The following IL17RC variants were observed in gnomAD, a reference collection of about 807,000 sequenced individuals.
IL17RC encodes interleukin 17 receptor C, also known as interleukin-17 receptor C.
A neutral mutation model predicts 86.7 loss-of-function variants in IL17RC; 53 were observed. The observed-to-expected ratio is 0.61, with a 90% CI of 0.49 to 0.77. The LOEUF (loss-of-function observed/expected upper bound fraction) is 0.77. IL17RC is among the 30% of genes least tolerant of loss of function. The pLI is 0.00. For missense variants in IL17RC, 957 were observed against 940.0 expected (o/e 1.02, Z -0.24); for synonymous variants, 439 against 413.1 (o/e 1.06, Z -0.76).
In IL17RC at chr3:9,933,131, G is replaced by C; in HGVS notation, c.1701G>C (p.Arg567=). 1 of 1,594,074 alleles carries C rather than the reference G, an allele frequency of 6.3e-7. No homozygotes were observed. The highest frequency in any genetic ancestry group is 8.5e-7 in the Non-Finnish European group (1 of 1,173,626). ...QGPVAWFHAQ[R]RQTLQEGGVV... The stretch of plus-strand genomic sequence containing the variant: ...CCGTGGCTTGGTTTCACGCGCAGCG[G>C]CGCCAGACCCTGCAGGAGGGCGGCG... Residue 567 remains arginine (R), a synonymous_variant, in exon 19 of 19, where the codon CGG becomes CGC. Coordinates refer to ENST00000403601, the MANE Select transcript of IL17RC (RefSeq NM_153460.4).
In IL17RC at chr3:9,920,964, G is replaced by GC; in HGVS notation, c.618dup (p.Trp207LeufsTer13). On this transcript the variant is annotated frameshift_variant, in exon 7 of 19. Transcript: ENST00000403601. LOFTEE classifies it high-confidence loss of function. ...GAAGTCTGGAACAGCATCCCGAGCT[G>GC]CTGGGGTAGGGGCTAGGGCCAGTGG... is the stretch of plus-strand genomic sequence containing the variant. 1 of 1,593,584 alleles carries GC rather than the reference G, an allele frequency of 6.3e-7. No homozygotes were observed. Among genetic ancestry groups the GC allele is most frequent in the Non-Finnish European group, 8.5e-7 (1 of 1,172,722 alleles).
intron 17 of IL17RC, 34 bp from the exon 18 acceptor site, chr3:9,932,786 C>T: frequency 6.3e-7 from 1 of 1,582,500 alleles, no homozygotes; most frequent in Non-Finnish European, 8.6e-7. Flanking sequence ...GGCGGCCGAG[C>T]TCACTGGCTG....
chr3:9,922,299 A>G (rs893690607), intron 7 of IL17RC, among the ~76,000 whole-genome samples: 6 of 152,194 alleles, frequency 3.9e-5, no homozygotes, highest in African/African-American at 1.4e-4. Context: ...ACCCAGATCA[A>G]TACATAAATA....
intron 6 of IL17RC, 80 bp downstream of exon 6, chr3:9,920,682 C>T: frequency 1.0e-6 from 1 of 966,594 alleles, no homozygotes; most frequent in Non-Finnish European, 1.6e-6. Context: ...CCTCTTCTAG[C>T]TCCATCCACT....
rs1460510963 is a variant in IL17RC at position 9,918,520 on chromosome 3, G to A, written c.376G>A (p.Val126Met). The change falls in exon 5 of 19, where the codon GTG becomes ATG. Residue 126 changes from valine to methionine, a missense_variant. Coordinates refer to ENST00000403601, the MANE Select transcript of IL17RC (RefSeq NM_153460.4). ...PRNASLQAQV[V>M]LSFQAYPTAR... is the part of the protein sequence containing the mutation. ...CACAGCCTCTCTCCAGGCCCAAGTCGTGCTCTCCTTCCAGGCCTACCCTAC... is the reference window on the plus strand; with the variant it reads ...CACAGCCTCTCTCCAGGCCCAAGTCATGCTCTCCTTCCAGGCCTACCCTAC... 22 of 1,613,994 alleles carry A rather than the reference G, an allele frequency of 1.4e-5. No homozygotes were observed. The highest frequency in any genetic ancestry group is 1.8e-5 in the Non-Finnish European group (21 of 1,180,002).
At position 9,918,545 on chromosome 3, in the gene IL17RC, C is replaced by T. The variant is rs2083295106; in HGVS notation, c.401C>T (p.Thr134Ile). Residue 134 changes from threonine (T) to isoleucine (I), a missense_variant, in exon 5 of 19, where the codon ACT becomes ATT. Transcript: ENST00000403601. ...QVVLSFQAYP[T>I]ARCVLLEVQV... is the part of the protein sequence containing the mutation. ...GTGCTCTCCTTCCAGGCCTACCCTA[C>T]TGCCCGCTGCGTCCTGCTGGAGGTG... is the stretch of plus-strand genomic sequence containing the variant. The T allele has an allele frequency of 7.4e-6, 12 of 1,614,224 alleles. No homozygotes were observed. Among genetic ancestry groups the T allele is most frequent in the Non-Finnish European group, 1.0e-5 (12 of 1,180,040 alleles).
intron 12 of IL17RC, 57 bp from the exon 13 acceptor site, chr3:9,929,795 T>C (rs2084480073): frequency 6.2e-7 from 1 of 1,605,120 alleles, no homozygotes; most frequent in Non-Finnish European, 8.5e-7. Context: ...ATTCTGGTCT[T>C]TCTGCCTTTG....
In IL17RC at chr3:9,928,678, A is replaced by AC. The variant is rs746064047; in HGVS notation, c.1110+54dup. 2.0e-5 allele frequency: 32 copies of AC among 1,592,384 alleles called. No individual in the cohort carries two copies. The East Asian group carries it at 2.2e-4, about 11-fold the overall frequency. ...TGGGCTGGAGGCTGGACCTGGGCAG[A>AC]CCCCCCAGCCAAGGGGGTCTTAGTT... is the stretch of plus-strand genomic sequence containing the variant. On this transcript the variant is annotated intron_variant, in intron 12 of 18. Transcript: ENST00000403601.
At position 9,920,924 on chromosome 3, in the gene IL17RC, G is replaced by C; in HGVS notation, c.578-1G>C. 1 of 1,609,010 alleles carries C rather than the reference G, an allele frequency of 6.2e-7. No homozygotes were observed. The highest frequency in any genetic ancestry group is 1.1e-5 in the South Asian group (1 of 89,720). On this transcript the variant is annotated splice_acceptor_variant, in intron 6 of 18. Transcript: ENST00000403601. LOFTEE classifies it high-confidence loss of function. ...GAGGCTCTTCTGTGATCTCTCCTCAGACTGCAGGGGGCTCGAAGTCTGGAA... is the reference window on the plus strand; with the variant it reads ...GAGGCTCTTCTGTGATCTCTCCTCACACTGCAGGGGGCTCGAAGTCTGGAA...
Position 9,933,578 on chromosome 3 carries a change from G to C in IL17RC, c.2148G>C (p.Ala716=), listed in dbSNP as rs1159801909. The C allele has an allele frequency of 1.3e-6, 2 of 1,598,496 alleles. No homozygotes were observed. Among genetic ancestry groups the C allele is most frequent in the Non-Finnish European group, 1.7e-6 (2 of 1,173,702 alleles). Residue 716 remains alanine (A), a synonymous_variant, in exon 19 of 19, where the codon GCG becomes GCC. Coordinates refer to ENST00000403601, the MANE Select transcript of IL17RC (RefSeq NM_153460.4). The part of the protein sequence containing the change: ...RGVGPGAGPG[A]GDGT ...TGGGACCAGGCGCGGGACCTGGGGC[G>C]GGGGACGGGACTTAAATAAAGGCAG...
chr3:9,923,593 G>C (rs142529247), intron 7 of IL17RC, among the ~76,000 whole-genome samples: 2 of 151,980 alleles, frequency 1.3e-5, no homozygotes, highest in East Asian at 3.9e-4. Flanking sequence ...AGGTCAGAAA[G>C]GTCACAGTTC....
intron 16 of IL17RC, 91 bp from the exon 17 acceptor site, chr3:9,932,517 A>T: frequency 8.2e-7 from 1 of 1,217,784 alleles, no homozygotes; most frequent in Non-Finnish European, 1.2e-6. Flanking sequence ...GGCATGAGCC[A>T]CCGCACCCGG....
chr3:9,920,699 C>T, intron 6 of IL17RC, 97 bp downstream of exon 6: 1 of 896,564 alleles, frequency 1.1e-6, no homozygotes, highest in Non-Finnish European at 1.8e-6. Context: ...CACTCTCCGG[C>T]AGGGGTCTGA....
Position 9,933,492 on chromosome 3 carries a change from C to A in IL17RC, c.2062C>A (p.Leu688Ile), listed in dbSNP as rs199772854. 5.6e-5 allele frequency: 90 copies of A among 1,611,894 alleles called. No individual in the cohort carries two copies. Among genetic ancestry groups the A allele is most frequent in the Admixed American group, 1.2e-4 (7 of 59,904 alleles). ...GAGAGCGGAGCAAGTGTCCCGGGCC[C>A]TTCAGCCAGCCCTGGATAGCTACTT... ...QERAEQVSRALQPALDSYFHP... is the reference protein window; with the variant it reads ...QERAEQVSRAIQPALDSYFHP... The change falls in exon 19 of 19, where the codon CTT (leucine) becomes ATT (isoleucine). Residue 688 changes from leucine (L) to isoleucine (I), a missense_variant. By Grantham distance (5) the Leu-to-Ile change is conservative. Coordinates refer to ENST00000403601, the MANE Select transcript of IL17RC (RefSeq NM_153460.4).
At chr3:9,925,720 A>G (rs1367255769) in intron 9 of IL17RC, among the ~76,000 whole-genome samples, 1 of 152,060 alleles carries the variant, frequency 6.6e-6, no homozygotes, top group Non-Finnish European at 1.5e-5. Context: ...GCCTTTTCTC[A>G]GGTGGTTCCC....
At chr3:9,927,463 C>A (rs1449402378) in intron 9 of IL17RC, among the ~76,000 whole-genome samples, 1 of 152,182 alleles carries the variant, frequency 6.6e-6, no homozygotes, top group African/African-American at 2.4e-5. Flanking sequence ...GAAGCTGAGG[C>A]AGGAGAATCA....
chr3:9,917,625 C>A (rs1289230166), intron 1 of IL17RC, 88 bp from the exon 2 acceptor site: 3 of 1,613,862 alleles, frequency 1.9e-6, no homozygotes, highest in South Asian at 2.2e-5. Context: ...TACGGAGCCC[C>A]AGAAAAAGGT....
At chr3:9,918,473 G>A (rs1301769084) in intron 4 of IL17RC, 27 bp from the exon 5 acceptor site, 3 of 1,611,526 alleles carry the variant, frequency 1.9e-6, no homozygotes, top group Admixed American at 3.3e-5. Flanking sequence ...TCCTGGGCCT[G>A]ACTGACCCCT....
rs1256806988 is a variant in IL17RC at position 9,928,467 on chromosome 3, G to C, written c.1040G>C (p.Trp347Ser). ...CAGCCACTGGTCCCACCGCTTTCCT[G>C]GGAGAACGTCACTGTGGACGTAAGT... ...PCQPLVPPLSWENVTVDKVLE... is the reference protein window; with the variant it reads ...PCQPLVPPLSSENVTVDKVLE... Residue 347 changes from tryptophan (W) to serine (S), a missense_variant, in exon 11 of 19, where the codon TGG becomes TCG. Transcript: ENST00000403601. 2 of 1,610,878 alleles carry C rather than the reference G, an allele frequency of 1.2e-6. No homozygotes were observed. The highest frequency in any genetic ancestry group is 2.7e-5 in the African/African-American group (2 of 74,902).
Sources: allele counts gnomAD v4.1 joint callset (sites outside exome capture counted in the v4.1 genomes callset), GRCh38; gene constraint gnomAD v4.1.1; transcripts MANE v1.5; gene names NCBI Gene and HGNC (gene_info 2026-07-23, HGNC 2026-07-21).